Variants in LYRM7 observed in about 807,000 individuals in gnomAD.
LYRM7 encodes the protein LYR motif containing 7.
A neutral mutation model predicts 15.8 loss-of-function variants in LYRM7; 9 were observed. The observed-to-expected ratio is 0.57, with a 90% CI of 0.34 to 0.99. The LOEUF (loss-of-function observed/expected upper bound fraction) is 0.99. Ranked by LOEUF, LYRM7 falls within the 50% of genes least tolerant of loss-of-function variation. The pLI is 0.02. For missense variants in LYRM7, 115 were observed against 119.1 expected, an observed-to-expected ratio of 0.97 and a Z score of 0.16; for synonymous variants, 39 against 39.4, an observed-to-expected ratio of 0.99 and a Z score of 0.04.
intron 4 of LYRM7, among the ~76,000 whole-genome samples, chr5:131,190,076 A>G (rs1019330355): frequency 6.6e-6 from 1 of 151,370 alleles, no homozygotes; most frequent in Non-Finnish European, 1.5e-5. Context: ...GGATATTGCA[A>G]TGACCCGAGA....
At chr5:131,190,483 C>T (rs542534697) in intron 4 of LYRM7, among the ~76,000 whole-genome samples, 10 of 149,646 alleles carry the variant, frequency 6.7e-5, no homozygotes, top group African/African-American at 9.8e-5. Context: ...CATGAGCCAC[C>T]GTGCCCTTTT....
rs184719069 is a variant in LYRM7 at position 131,187,401 on chromosome 5, T to C, written c.244+292T>C. Among the ~76,000 whole-genome samples the C allele has an allele frequency of 6.4e-3, 975 of 152,306 alleles. 2 individuals carry two copies. Among genetic ancestry groups the C allele is most frequent in the Non-Finnish European group, 0.011 (755 of 68,014 alleles). On this transcript the variant is annotated intron_variant, in intron 4 of 4. Coordinates refer to ENST00000379380, the MANE Select transcript of LYRM7 (RefSeq NM_181705.4). ...ATATTTATTTACAGTTCTTAATTTT[T>C]CTGGCATCATTTATCACTTACCTAG...
chr5:131,200,915 A>G lies in LYRM7; in HGVS notation c.*1314A>G, dbSNP rs1338820881. 1.3e-5 allele frequency: 2 copies of G among 151,990 alleles called. No homozygotes were observed. The highest frequency in any genetic ancestry group is 4.8e-5 in the African/African-American group (2 of 41,376). 9.4% of individuals were successfully genotyped at this position (151,990 alleles called of 1,614,324 possible). On this transcript the variant is annotated 3_prime_UTR_variant, in exon 5 of 5. Transcript: ENST00000379380. The stretch of plus-strand genomic sequence containing the variant: ...GAATTCCCTGTTCCATTTTTCATTC[A>G]TATTAATTTAAATAACTCCAGATTT...
rs150631284 is a variant in LYRM7, at chr5:131,186,878, A to G, written c.163-150A>G. 1,206 of 575,982 alleles carry G rather than the reference A, an allele frequency of 2.1e-3. 10 individuals carry two copies. In the African/African-American group the frequency reaches 0.021, roughly 10 times the overall value. 35.7% of individuals were successfully genotyped at this position (575,982 alleles called of 1,614,324 possible). Reference sequence around the variant, plus strand: ...ATTTTCTATTTAATATTTTCAGACCACAGTTGACCACGGATAACTGAAACT... The same window carrying G: ...ATTTTCTATTTAATATTTTCAGACCGCAGTTGACCACGGATAACTGAAACT... On this transcript the variant is annotated intron_variant, in intron 3 of 4. Transcript: ENST00000379380.
intron 4 of LYRM7, among the ~76,000 whole-genome samples, chr5:131,199,083 A>C (rs542528474): frequency 1.3e-5 from 2 of 152,312 alleles, no homozygotes; most frequent in African/African-American, 4.8e-5. Context: ...AGCATTCTCC[A>C]GTTGATATGA....
intron 4 of LYRM7, among the ~76,000 whole-genome samples, chr5:131,197,541 CTT>C (rs60003952): frequency 1.1e-5 from 1 of 90,754 alleles, no homozygotes. Context: ...TGTCTTCTGT[CTT>C]TTTTTTTTTT....
intron 4 of LYRM7, among the ~76,000 whole-genome samples, chr5:131,197,846 C>CTGTGTGTGTGTG (rs56146861): frequency 0.014 from 1,983 of 143,328 alleles, 14 homozygotes; most frequent in African/African-American, 0.023. Flanking sequence ...CATCTGGCCA[C>CTGTGTGTGTGTG]TGTGTGTGTG....
chr5:131,197,902 A>G (rs905840644), intron 4 of LYRM7, among the ~76,000 whole-genome samples: 16 of 151,466 alleles, frequency 1.1e-4, no homozygotes, highest in African/African-American at 3.9e-4. Context: ...ATATATTTTT[A>G]AAACCTTTTT....
rs74935479 is a variant in LYRM7, at chr5:131,182,049, C to A, written c.92-180C>A. ...AGTAGGTTTACCTACAAACTTGTCA[C>A]CCTGTCAAAAGCTCTCCAAGAGACT... On this transcript the variant is annotated intron_variant, in intron 2 of 4. Coordinates refer to ENST00000379380, the MANE Select transcript of LYRM7 (RefSeq NM_181705.4). Among the ~76,000 whole-genome samples the A allele has an allele frequency of 0.075, 11,381 of 152,150 alleles. 1,164 individuals are homozygous for A. Among genetic ancestry groups the A allele is most frequent in the African/African-American group, 0.23 (9,742 of 41,462 alleles).
At chr5:131,192,161 A>G (rs1345267106) in intron 4 of LYRM7, among the ~76,000 whole-genome samples, 2 of 152,062 alleles carry the variant, frequency 1.3e-5, no homozygotes, top group Admixed American at 6.6e-5. Context: ...ACATTATGTT[A>G]AGTGAAATAA....
chr5:131,172,069 T>G (rs1048242395), intron 1 of LYRM7, among the ~76,000 whole-genome samples: 2 of 152,160 alleles, frequency 1.3e-5, no homozygotes, highest in Non-Finnish European at 2.9e-5. Context: ...AATAAATGCT[T>G]TGATTTGAAA....
At chr5:131,195,903 A>G (rs1292436110) in intron 4 of LYRM7, among the ~76,000 whole-genome samples, 1 of 152,048 alleles carries the variant, frequency 6.6e-6, no homozygotes, top group Non-Finnish European at 1.5e-5. Flanking sequence ...CAGTATCTCC[A>G]CCTTAGAACA....
intron 4 of LYRM7, among the ~76,000 whole-genome samples, chr5:131,195,412 G>C (rs1755948562): frequency 6.6e-6 from 1 of 152,166 alleles, no homozygotes; most frequent in Non-Finnish European, 1.5e-5. Context: ...AATTGATTAA[G>C]AGTCCCATAA....
chr5:131,181,292 A>ATATAT (rs1181892950), intron 2 of LYRM7, among the ~76,000 whole-genome samples: 7 of 16,108 alleles, frequency 4.3e-4, no homozygotes, highest in African/African-American at 8.9e-4. Flanking sequence ...AAAAAAAAAA[A>ATATAT]AAAAAAAAAA....
chr5:131,180,088 T>C lies in LYRM7; in HGVS notation c.19-7T>C. ...TGCCCAACCTTGAATTCTGATTTTC[T>C]TAACAGGTTTTACAGCTCTTTAAAA... On this transcript the variant is annotated splice_polypyrimidine_tract_variant and splice_region_variant and intron_variant, in intron 1 of 4. Transcript: ENST00000379380. The C allele has an allele frequency of 6.2e-7, 1 of 1,605,274 alleles. No individual in the cohort carries two copies. Among genetic ancestry groups the C allele is most frequent in the Non-Finnish European group, 8.5e-7 (1 of 1,173,044 alleles).
At chr5:131,186,085 A>G (rs1174959421) in intron 3 of LYRM7, among the ~76,000 whole-genome samples, 1 of 152,224 alleles carries the variant, frequency 6.6e-6, no homozygotes, top group Non-Finnish European at 1.5e-5. Context: ...AACCATGCAG[A>G]AGGCTGTAGT....
intron 1 of LYRM7, among the ~76,000 whole-genome samples, chr5:131,175,985 C>G (rs1056969187): frequency 2.6e-5 from 4 of 152,180 alleles, no homozygotes; most frequent in African/African-American, 9.7e-5. Flanking sequence ...GTCTTGAACT[C>G]CTGTGCTCAA....
In LYRM7 at chr5:131,187,067, A is replaced by C; in HGVS notation, c.202A>C (p.Thr68Pro). 6.4e-7 allele frequency: 1 copy of C among 1,564,788 alleles called. No individual in the cohort carries two copies. Among genetic ancestry groups the C allele is most frequent in the Non-Finnish European group, 8.7e-7 (1 of 1,148,776 alleles). ...IGSDVELLLR[T>P]SVIQGIHTDH... ...TTCTGATGTTGAATTATTACTCAGA[A>C]CATCTGTTATACAAGGTATTCACAC... is the stretch of plus-strand genomic sequence containing the variant. Residue 68 changes from threonine (T) to proline (P), a missense_variant, in exon 4 of 5, where the codon ACA (threonine) becomes CCA (proline). Transcript: ENST00000379380.
At chr5:131,190,777 C>T (rs1755873866) in intron 4 of LYRM7, among the ~76,000 whole-genome samples, 1 of 152,162 alleles carries the variant, frequency 6.6e-6, no homozygotes, top group Admixed American at 6.5e-5. Context: ...AGGTGTGAGC[C>T]ACTGCACCTG....
Sources: gnomAD v4.1 joint callset for allele counts (sites outside exome capture counted in the v4.1 genomes callset) on GRCh38, gnomAD v4.1.1 for gene constraint, MANE v1.5 for transcripts, NCBI Gene and HGNC (gene_info 2026-07-23, HGNC 2026-07-21) for gene names.